ABCB4: variants seen among roughly 807,000 people sequenced by gnomAD.
ABCB4 encodes the protein ATP binding cassette subfamily B member 4.
ABCB4 carries 76 observed loss-of-function variants against 145.7 expected under a neutral mutation model. The observed-to-expected ratio is 0.52, with a 90% CI of 0.43 to 0.63. The LOEUF is 0.63. ABCB4 is among the 30% of genes least tolerant of loss of function. The probability of loss-of-function intolerance (pLI) is 0.00; values close to 1 mark genes in which losing one functional copy is unlikely to be tolerated. For synonymous variants in ABCB4, 517 were observed against 566.8 expected, an observed-to-expected ratio of 0.91 and a Z score of 1.25; for missense variants, 1,234 against 1,553.1, an observed-to-expected ratio of 0.79 and a Z score of 3.45.
rs1809494116 is a variant in ABCB4, at chr7:87,422,224, A to T, written c.2213T>A (p.Ile738Asn). ...CACTGCATCATCGCCTGGTCCAAAA[A>T]TCTACAAAAGAATATTTAAAACGCC... is the stretch of plus-strand genomic sequence containing the variant. ...FSVIFSEIIA[I>N]FGPGDDAVKQ... Residue 738 changes from isoleucine to asparagine, a missense_variant and splice_region_variant, in exon 18 of 28, where the codon ATT (isoleucine) becomes AAT (asparagine). Around this residue, in one of 7 missense-constraint regions of ABCB4, gnomAD observed 321 missense variants for 332.6 expected, o/e 0.97. Coordinates refer to ENST00000649586, the MANE Select transcript of ABCB4 (RefSeq NM_000443.4). 1 of 1,611,644 alleles carries T rather than the reference A, an allele frequency of 6.2e-7. No individual in the cohort carries two copies. The highest frequency in any genetic ancestry group is 1.3e-5 in the African/African-American group (1 of 74,872).
intron 15 of ABCB4, among the ~76,000 whole-genome samples, chr7:87,431,098 G>A (rs903006685): frequency 4.6e-5 from 7 of 152,132 alleles, no homozygotes; most frequent in East Asian, 3.9e-4. Context: ...CACTTTTCTC[G>A]TCCTCTGACT....
chr7:87,462,437 T>A (rs971160232), intron 4 of ABCB4, among the ~76,000 whole-genome samples: 1 of 152,204 alleles, frequency 6.6e-6, no homozygotes, highest in Non-Finnish European at 1.5e-5. Context: ...CAATTACTAA[T>A]GGGATGGATA....
chr7:87,397,835 T>C (rs1473541764), downstream of ABCB4, among the ~76,000 whole-genome samples: 1 of 152,234 alleles, frequency 6.6e-6, no homozygotes, highest in Admixed American at 6.5e-5. Flanking sequence ...TTGCATGGTT[T>C]TCCAGAAGCA....
At chr7:87,375,420 A>G in the ABCB4 span, 1 of 478,018 alleles carries the variant, frequency 2.1e-6, no homozygotes, top group Non-Finnish European at 3.7e-6. Context: ...TATTTACTGA[A>G]ATTAAATTAT....
At chr7:87,376,574 C>T in the ABCB4 span, among the ~76,000 whole-genome samples, 17 of 150,514 alleles carry the variant, frequency 1.1e-4, no homozygotes, top group African/African-American at 3.4e-4. Flanking sequence ...GTGAATTAAT[C>T]GGTATTAAAT....
At chr7:87,464,596 G>A (rs938551513) in intron 3 of ABCB4, among the ~76,000 whole-genome samples, 1 of 152,118 alleles carries the variant, frequency 6.6e-6, no homozygotes, top group African/African-American at 2.4e-5. Context: ...AATTTAAAAC[G>A]AGGTGAATTT....
intron 23 of ABCB4, among the ~76,000 whole-genome samples, chr7:87,410,385 C>T (rs1808530569): frequency 6.6e-6 from 1 of 152,070 alleles, no homozygotes; most frequent in African/African-American, 2.4e-5. Context: ...TAAAACTTTC[C>T]TTTAAATGCT....
chr7:87,377,570 G>A, the ABCB4 span: 1 of 606,138 alleles, frequency 1.6e-6, no homozygotes, highest in Non-Finnish European at 2.9e-6. Context: ...TTATGGCACT[G>A]TGGTGAAAAG....
At chr7:87,441,993 T>C (rs1375442442) in intron 12 of ABCB4, among the ~76,000 whole-genome samples, 1 of 152,232 alleles carries the variant, frequency 6.6e-6, no homozygotes, top group Non-Finnish European at 1.5e-5. Context: ...GGGCATTTTT[T>C]TCTATTATTT....
At chr7:87,403,716 G>C (rs1341816441) in intron 26 of ABCB4, among the ~76,000 whole-genome samples, 1 of 152,188 alleles carries the variant, frequency 6.6e-6, no homozygotes, top group Non-Finnish European at 1.5e-5. Flanking sequence ...TAGGCAATAG[G>C]AATTTTTCAG....
At chr7:87,472,891 T>C (rs1438898039) in intron 2 of ABCB4, among the ~76,000 whole-genome samples, 2 of 152,198 alleles carry the variant, frequency 1.3e-5, no homozygotes, top group South Asian at 2.1e-4. Flanking sequence ...TAAGAAATGG[T>C]CGCCTGCCTT....
chr7:87,379,144 C>T, the ABCB4 span, among the ~76,000 whole-genome samples: 1 of 152,124 alleles, frequency 6.6e-6, no homozygotes, highest in Non-Finnish European at 1.5e-5. Context: ...CCCCTGGCTT[C>T]TTCCCTTCAT....
chr7:87,444,938 C>A lies in ABCB4; in HGVS notation c.1043G>T (p.Gly348Val). Residue 348 changes from glycine to valine, a missense_variant, in exon 10 of 28, where the codon GGC becomes GTC. Coordinates refer to ENST00000649586, the MANE Select transcript of ABCB4 (RefSeq NM_000443.4). ...AGCATCAATACATGGGGCAGCCTGG[C>A]CAACACTGAAAGCTCCAATTAGGAT... Reference protein sequence around the residue: ...FSILIGAFSVGQAAPCIDAFA... With the variant: ...FSILIGAFSVVQAAPCIDAFA... The A allele has an allele frequency of 6.2e-7, 1 of 1,606,512 alleles. No homozygotes were observed. Among genetic ancestry groups the A allele is most frequent in the Non-Finnish European group, 8.5e-7 (1 of 1,179,522 alleles).
intron 4 of ABCB4, among the ~76,000 whole-genome samples, chr7:87,458,721 C>A (rs1812263296): frequency 6.6e-6 from 1 of 152,078 alleles, no homozygotes; most frequent in Non-Finnish European, 1.5e-5. Flanking sequence ...AAATTCATAA[C>A]ATTTGAGGAA....
At chr7:87,403,028 T>C in intron 27 of ABCB4, 107 bp downstream of exon 27, 1 of 1,213,702 alleles carries the variant, frequency 8.2e-7, no homozygotes, top group Non-Finnish European at 1.2e-6. Context: ...CTATCTAACG[T>C]TCTGTGTTTT....
chr7:87,424,160 T>G (rs1260922647), intron 16 of ABCB4, 108 bp from the exon 17 acceptor site: 1 of 1,353,868 alleles, frequency 7.4e-7, no homozygotes, highest in East Asian at 2.3e-5. Context: ...GCAAACTAGG[T>G]GCAGAGAATG....
chr7:87,462,028 G>C (rs1363693388), intron 4 of ABCB4, among the ~76,000 whole-genome samples: 1 of 152,176 alleles, frequency 6.6e-6, no homozygotes, highest in East Asian at 1.9e-4. Flanking sequence ...AGGTCTCTTA[G>C]AGAAAAGAGG....
At chr7:87,424,800 T>C (rs1401093571) in intron 16 of ABCB4, among the ~76,000 whole-genome samples, 1 of 152,146 alleles carries the variant, frequency 6.6e-6, no homozygotes, top group Non-Finnish European at 1.5e-5. Context: ...CTGGCACATA[T>C]AAGATTCTCA....
At chr7:87,401,406 CTATT>C (rs1807777547), downstream of ABCB4, among the ~76,000 whole-genome samples, 1 of 152,104 alleles carries the variant, frequency 6.6e-6, no homozygotes, top group African/African-American at 2.4e-5. Flanking sequence ...GAAAAGTAGT[CTATT>C]TATAAAAGAG....
Sources: allele counts gnomAD v4.1 joint callset (sites outside exome capture counted in the v4.1 genomes callset), GRCh38; gene constraint gnomAD v4.1.1; regional missense constraint gnomAD v4.1.1; transcripts MANE v1.5; gene names NCBI Gene and HGNC (gene_info 2026-07-23, HGNC 2026-07-21).